The following PACSIN2 variants were observed in gnomAD, a reference collection of about 807,000 sequenced individuals.
PACSIN2 encodes the protein protein kinase C and casein kinase substrate in neurons 2, also known as protein kinase C and casein kinase substrate in neurons protein 2.
PACSIN2 carries 25 observed loss-of-function variants against 63.8 expected under a neutral mutation model. The observed-to-expected ratio is 0.39, with a 90% CI of 0.29 to 0.55. PACSIN2 has a LOEUF of 0.55. PACSIN2 is among the 20% of genes least tolerant of loss of function. PACSIN2 has a pLI of 0.62. For missense variants in PACSIN2, 518 were observed against 646.9 expected (o/e 0.80, Z 2.16); for synonymous variants, 255 against 256.2 (o/e 1.00, Z 0.05).
At chr22:42,918,624 C>T (rs942783173) in intron 1 of PACSIN2, among the ~76,000 whole-genome samples, 7 of 152,226 alleles carry the variant, frequency 4.6e-5, no homozygotes, top group African/African-American at 1.7e-4. Context: ...TCAGACTCCA[C>T]GCTGCCCAAC....
intron 1 of PACSIN2, among the ~76,000 whole-genome samples, chr22:42,972,221 C>T (rs1248220262): frequency 6.6e-6 from 1 of 152,234 alleles, no homozygotes; most frequent in African/African-American, 2.4e-5. Flanking sequence ...ATCCCGTGCT[C>T]TCTGAAACAT....
chr22:42,909,401 A>G (rs1323945713), intron 2 of PACSIN2: 1 of 393,108 alleles, frequency 2.5e-6, no homozygotes, highest in Non-Finnish European at 5.3e-6. Context: ...GTGTCCTTCC[A>G]TGGGAAAGAG....
chr22:42,947,247 G>C (rs772818715), intron 1 of PACSIN2, among the ~76,000 whole-genome samples: 1 of 152,196 alleles, frequency 6.6e-6, no homozygotes, highest in Non-Finnish European at 1.5e-5. Flanking sequence ...GGAGGGAGAA[G>C]AGGAATGCTC....
At chr22:42,909,251 C>G (rs368402841) in intron 2 of PACSIN2, among the ~76,000 whole-genome samples, 60 of 152,278 alleles carry the variant, frequency 3.9e-4, no homozygotes, top group Admixed American at 1.1e-3. Flanking sequence ...AATGTCACAG[C>G]CAAAGGCTCC....
intron 1 of PACSIN2, among the ~76,000 whole-genome samples, chr22:42,985,085 T>C (rs1457585215): frequency 6.6e-6 from 1 of 152,142 alleles, no homozygotes; most frequent in Non-Finnish European, 1.5e-5. Flanking sequence ...TCTCAGCACT[T>C]TGGGAGGCCA....
intron 7 of PACSIN2, among the ~76,000 whole-genome samples, chr22:42,881,050 C>T (rs1457289558): frequency 6.6e-6 from 1 of 152,250 alleles, no homozygotes; most frequent in African/African-American, 2.4e-5. Flanking sequence ...TCTCTCAGTG[C>T]CTCTGTGGAA....
chr22:42,938,638 T>C (rs111628648), intron 1 of PACSIN2, among the ~76,000 whole-genome samples: 88 of 152,344 alleles, frequency 5.8e-4, no homozygotes, highest in African/African-American at 2.0e-3. Flanking sequence ...CCATTTAGGT[T>C]GCACCATCTC....
At chr22:42,971,885 G>A (rs2048228752) in intron 1 of PACSIN2, among the ~76,000 whole-genome samples, 1 of 151,602 alleles carries the variant, frequency 6.6e-6, no homozygotes, top group African/African-American at 2.4e-5. Flanking sequence ...CCCCGTTCGG[G>A]AGGTGGGGGG....
intron 1 of PACSIN2, among the ~76,000 whole-genome samples, chr22:42,989,693 G>A (rs1276898782): frequency 6.6e-6 from 1 of 151,886 alleles, no homozygotes; most frequent in Non-Finnish European, 1.5e-5. Flanking sequence ...AGCTACTTGG[G>A]AGGCTGAGGT....
chr22:42,967,019 C>T (rs1334434189), intron 1 of PACSIN2, among the ~76,000 whole-genome samples: 1 of 152,166 alleles, frequency 6.6e-6, no homozygotes, highest in Non-Finnish European at 1.5e-5. Context: ...AAATAATTAA[C>T]TTAAACGAAC....
At chr22:42,897,684 C>G (rs904945590) in intron 2 of PACSIN2, among the ~76,000 whole-genome samples, 2 of 152,216 alleles carry the variant, frequency 1.3e-5, no homozygotes, top group African/African-American at 2.4e-5. Context: ...GAGGGCCAAG[C>G]ATGTACCTAC....
chr22:43,011,290 A>G (rs772573234), intron 1 of PACSIN2, among the ~76,000 whole-genome samples: 2 of 152,210 alleles, frequency 1.3e-5, no homozygotes, highest in Non-Finnish European at 2.9e-5. Flanking sequence ...CTGGAAAAAA[A>G]CTAAGCCAGC....
intron 1 of PACSIN2, among the ~76,000 whole-genome samples, chr22:42,993,455 T>C (rs1220780323): frequency 1.3e-5 from 2 of 152,246 alleles, no homozygotes; most frequent in Non-Finnish European, 2.9e-5. Flanking sequence ...GAAGGCAGAA[T>C]AACATAAGAC....
chr22:42,875,306 C>A (rs139579146), intron 10 of PACSIN2, among the ~76,000 whole-genome samples: 1 of 152,322 alleles, frequency 6.6e-6, no homozygotes, highest in Non-Finnish European at 1.5e-5. Flanking sequence ...CCACGCCCAG[C>A]TAATCTGCTA....
At chr22:42,980,935 T>A (rs1232825052) in intron 1 of PACSIN2, among the ~76,000 whole-genome samples, 13 of 77,826 alleles carry the variant, frequency 1.7e-4, no homozygotes, top group African/African-American at 6.7e-4. Context: ...GCGTCTCTGC[T>A]TGGCCACCCA....
chr22:42,880,077 G>A (rs552406146), intron 7 of PACSIN2, among the ~76,000 whole-genome samples: 6 of 152,310 alleles, frequency 3.9e-5, no homozygotes, highest in Non-Finnish European at 8.8e-5. Context: ...TGTTTAATGA[G>A]CTCTCCTTCC....
At chr22:42,883,421 C>T (rs1369122610) in intron 6 of PACSIN2, among the ~76,000 whole-genome samples, 1 of 152,172 alleles carries the variant, frequency 6.6e-6, no homozygotes, top group Non-Finnish European at 1.5e-5. Context: ...CAAGCCTTGA[C>T]CCGTGACGCA....
intron 1 of PACSIN2, among the ~76,000 whole-genome samples, chr22:42,917,071 C>T (rs1931859104): frequency 6.6e-6 from 1 of 152,148 alleles, no homozygotes; most frequent in African/African-American, 2.4e-5. Context: ...CCTCATGTGC[C>T]AGACACTGCG....
chr22:42,920,349 C>G (rs1042750861), intron 1 of PACSIN2, among the ~76,000 whole-genome samples: 1 of 152,130 alleles, frequency 6.6e-6, no homozygotes, highest in African/African-American at 2.4e-5. Flanking sequence ...TTGAAATAAA[C>G]TTTTAGAATG....
Sources: allele counts gnomAD v4.1 joint callset (sites outside exome capture counted in the v4.1 genomes callset), GRCh38; gene constraint gnomAD v4.1.1; transcripts MANE v1.5; gene names NCBI Gene and HGNC (gene_info 2026-07-23, HGNC 2026-07-21).